MGST1: variants seen among roughly 807,000 people sequenced by gnomAD.
The protein encoded by MGST1 is microsomal glutathione S-transferase 1.
Under a neutral mutation model 8.9 loss-of-function variants are expected in MGST1, and 5 were observed. The ratio of observed to expected loss-of-function variants is 0.56; its 90% CI spans 0.29 to 1.19. MGST1 has a LOEUF of 1.19. MGST1 is among the 50% of genes most tolerant of loss of function. MGST1 has a pLI of 0.08. For missense variants in MGST1, 182 were observed against 187.4 expected, an observed-to-expected ratio of 0.97 and a Z score of 0.17; for synonymous variants, 54 against 67.8, an observed-to-expected ratio of 0.80 and a Z score of 1.00.
intron 4 of MGST1, among the ~76,000 whole-genome samples, chr12:16,568,079 T>A (rs558243462): frequency 6.6e-6 from 1 of 152,164 alleles, no homozygotes; most frequent in South Asian, 2.1e-4. Context: ...CAATAGAAAA[T>A]AAAAAGGAAT....
In MGST1 at chr12:16,585,564, T is replaced by C. The variant is rs1279595674; in HGVS notation, n.483-3964T>C. On this transcript the variant is annotated intron_variant and non_coding_transcript_variant, in intron 4 of 4. Transcript: ENST00000538857. The surrounding 1 kb of genome is among the most constrained non-coding windows in gnomAD (Gnocchi z 4.7). ...CAATCTCCCCTTTCCTAAATTCCTC[T>C]CACTCAGCTATCTGAGCATCTCTCA... 6.6e-6 allele frequency among the ~76,000 whole-genome samples: 1 copy of C among 152,158 alleles called. No homozygotes were observed. Among genetic ancestry groups the C allele is most frequent in the Non-Finnish European group, 1.5e-5 (1 of 68,028 alleles).
chr12:16,584,685 T>C lies in MGST1; in HGVS notation n.483-4843T>C, dbSNP rs2137566585. Among the ~76,000 whole-genome samples the C allele has an allele frequency of 6.6e-6, 1 of 152,210 alleles. No homozygotes were observed. Among genetic ancestry groups the C allele is most frequent in the East Asian group, 1.9e-4 (1 of 5,168 alleles). ...AATATCCCACTTAAGTCCAAACATA[T>C]TGCAATGGCTGCCATGAAGTTCAAG... On this transcript the variant is annotated intron_variant and non_coding_transcript_variant, in intron 4 of 4. Transcript: ENST00000538857. The surrounding 1 kb of genome is among the most constrained non-coding windows in gnomAD (Gnocchi z 5.2).
chr12:16,374,251 T>C (rs763035520), intron 3 of MGST1, among the ~76,000 whole-genome samples: 1 of 152,114 alleles, frequency 6.6e-6, no homozygotes, highest in Non-Finnish European at 1.5e-5. Context: ...ATGTCTAACA[T>C]CTTTGTTTTT....
chr12:16,393,750 C>T (rs1449052305), intron 1 of MGST1, among the ~76,000 whole-genome samples: 1 of 152,164 alleles, frequency 6.6e-6, no homozygotes, highest in Non-Finnish European at 1.5e-5. Flanking sequence ...CTTCCTTAGA[C>T]CTGTGGCCCA....
chr12:16,592,564 T>C (rs769409637), downstream of MGST1, among the ~76,000 whole-genome samples: 4 of 151,944 alleles, frequency 2.6e-5, no homozygotes, highest in Admixed American at 6.6e-5. Context: ...GCTTTTTCCA[T>C]CCACTTCCCT....
chr12:16,499,738 C>T (rs1454467741), intron 4 of MGST1, among the ~76,000 whole-genome samples: 6 of 151,918 alleles, frequency 3.9e-5, no homozygotes, highest in Non-Finnish European at 5.9e-5. Context: ...TGCTCAAGCT[C>T]CGTTTCTCAG....
At chr12:16,400,257 G>T (rs1435502513) in intron 1 of MGST1, 3 of 831,382 alleles carry the variant, frequency 3.6e-6, no homozygotes, top group African/African-American at 3.3e-5. Context: ...TGGCATTCTT[G>T]AGGTGAAAAT....
rs112531889 is a variant in MGST1 at position 16,399,828 on chromosome 12, C to T, written n.778+16224C>T. ...ACAAGAATGGCATTGATCATGGTCACTTTCTTGCTGTAGTCCTTGTAGACA... is the reference window on the plus strand; with the variant it reads ...ACAAGAATGGCATTGATCATGGTCATTTTCTTGCTGTAGTCCTTGTAGACA... On this transcript the variant is annotated intron_variant and non_coding_transcript_variant, in intron 1 of 1. Coordinates refer to the MGST1 transcript ENST00000359720. 3.7e-4 allele frequency: 454 copies of T among 1,225,866 alleles called. 2 individuals are homozygous for T. The African/African-American group carries it at 6.0e-3, about 16-fold the overall frequency. 75.9% of individuals were successfully genotyped at this position (1,225,866 alleles called of 1,614,324 possible). A position where few individuals can be genotyped will look rare whatever the true frequency, so the allele number is the denominator to read the frequency against.
At chr12:16,508,448 G>T (rs989412252) in intron 4 of MGST1, among the ~76,000 whole-genome samples, 1 of 152,154 alleles carries the variant, frequency 6.6e-6, no homozygotes, top group African/African-American at 2.4e-5. Context: ...CACGGGGGAA[G>T]TCTTATTTTT....
chr12:16,468,411 A>G (rs1021195016), intron 4 of MGST1, among the ~76,000 whole-genome samples: 1 of 152,050 alleles, frequency 6.6e-6, no homozygotes, highest in Non-Finnish European at 1.5e-5. Flanking sequence ...GTTGGATGAA[A>G]AGTGCAAAAG....
chr12:16,404,004 G>A (rs1263121760), intron 1 of MGST1, among the ~76,000 whole-genome samples: 1 of 152,126 alleles, frequency 6.6e-6, no homozygotes, highest in Non-Finnish European at 1.5e-5. Flanking sequence ...TATTTTGTCT[G>A]ATTTTTTAAT....
At position 16,369,809 on chromosome 12, in the gene MGST1, C is replaced by T. The variant is rs1414421135; in HGVS notation, c.222-6313C>T. The T allele has an allele frequency of 6.6e-6, 1 of 152,140 alleles. No homozygotes were observed. The highest frequency in any genetic ancestry group is 1.5e-5 in the Non-Finnish European group (1 of 68,040). The allele number at this position is 152,140 out of a possible 1,614,324, so 9.4% of individuals were successfully genotyped here. On this transcript the variant is annotated intron_variant, in intron 3 of 3. Coordinates refer to the MGST1 transcript ENST00000535309. The surrounding 1 kb of genome is among the most constrained non-coding windows in gnomAD (Gnocchi z 4.8). ...GTGCTATCACAGCATAGGAGCAAGA[C>T]AGGAAATGGAACTGCATAAATCTCC...
chr12:16,468,297 A>G (rs1217177609), intron 4 of MGST1, among the ~76,000 whole-genome samples: 2 of 152,256 alleles, frequency 1.3e-5, no homozygotes, highest in African/African-American at 2.4e-5. Flanking sequence ...ATATCTGTAT[A>G]TACATATGCA....
chr12:16,539,468 G>A (rs933482067), intron 4 of MGST1, among the ~76,000 whole-genome samples: 1 of 152,188 alleles, frequency 6.6e-6, no homozygotes, highest in East Asian at 1.9e-4. Context: ...TCAATGCAAT[G>A]AGTCTAAAAC....
chr12:16,363,870 C>A lies in MGST1; in HGVS notation c.297C>A (p.Asp99Glu), dbSNP rs762548842. The change falls in exon 4 of 4, where the codon GAC (aspartate) becomes GAA (glutamate). Residue 99 changes from aspartate (D) to glutamate (E), a missense_variant. Transcript: ENST00000396210. This position sits in a 1 kb window ranked among gnomAD's most constrained non-coding sequence, Gnocchi z 4.6. ...TCCTGTATTCCTTGAGTGGTCCCGA[C>A]CCCTCTACAGCCATCCTGCACTTCA... ...IGLLYSLSGP[D>E]PSTAILHFRL... 1 of 1,613,868 alleles carries A rather than the reference C, an allele frequency of 6.2e-7. No individual in the cohort carries two copies. The highest frequency in any genetic ancestry group is 8.5e-7 in the Non-Finnish European group (1 of 1,179,856).
At chr12:16,381,087 T>G (rs1038080248), downstream of MGST1, among the ~76,000 whole-genome samples, 2 of 152,210 alleles carry the variant, frequency 1.3e-5, no homozygotes, top group African/African-American at 2.4e-5. Flanking sequence ...TCTTGACTCT[T>G]TATCCAATTT....
chr12:16,558,948 A>AAGTAACATACTC (rs1942292096), intron 4 of MGST1, among the ~76,000 whole-genome samples: 1 of 152,182 alleles, frequency 6.6e-6, no homozygotes. Context: ...CAGAGAGATT[A>AAGTAACATACTC]AGTAACATAC....
At chr12:16,516,841 C>T (rs1347148297) in intron 4 of MGST1, among the ~76,000 whole-genome samples, 3 of 152,106 alleles carry the variant, frequency 2.0e-5, no homozygotes, top group African/African-American at 4.8e-5. Context: ...AGGACTGAGA[C>T]ACTCAAAGTC....
intron 2 of MGST1, among the ~76,000 whole-genome samples, chr12:16,356,545 A>G (rs1939723601): frequency 6.6e-6 from 1 of 152,224 alleles, no homozygotes; most frequent in Admixed American, 6.5e-5. Context: ...GAAAAAATAG[A>G]AAACAAATGA....
Sources: allele counts gnomAD v4.1 joint callset (sites outside exome capture counted in the v4.1 genomes callset), GRCh38; gene constraint gnomAD v4.1.1; non-coding constraint Gnocchi (gnomAD v3.1); transcripts MANE v1.5; gene names NCBI Gene and HGNC (gene_info 2026-07-23, HGNC 2026-07-21).